Variants in TCF4 observed in about 807,000 individuals in gnomAD.
The protein encoded by TCF4 is SL3-3 enhancer factor 2.
TCF4 carries 3 observed loss-of-function variants against 82.1 expected under a neutral mutation model. The observed-to-expected ratio is 0.04, with a 90% confidence interval of 0.02 to 0.09. TCF4 has a LOEUF of 0.09. Ranked by LOEUF, TCF4 falls within the 10% of genes least tolerant of loss-of-function variation. The pLI is 1.00. For missense variants in TCF4, 518 were observed against 852.7 expected (o/e 0.61, Z 4.89); for synonymous variants, 276 against 309.6 (o/e 0.89, Z 1.14).
intron 5 of TCF4, among the ~76,000 whole-genome samples, chr18:55,453,646 G>T (rs1388102662): frequency 6.6e-6 from 1 of 152,082 alleles, no homozygotes; most frequent in Non-Finnish European, 1.5e-5. Flanking sequence ...GAGGACCACA[G>T]CATTAGCTGT....
At chr18:55,476,342 C>T (rs7233312) in intron 3 of TCF4, among the ~76,000 whole-genome samples, 62,938 of 152,042 alleles carry the variant, frequency 0.41, 13,529 homozygotes, top group Non-Finnish European at 0.48. Flanking sequence ...GTGAGAGGAA[C>T]TTTGCCATTC....
At chr18:55,234,495 A>AATAGG in intron 16 of TCF4, 53 bp downstream of exon 16, 1 of 1,613,462 alleles carries the variant, frequency 6.2e-7, no homozygotes. Flanking sequence ...GGGTATCAAC[A>AATAGG]CTGGTCCTAT....
chr18:55,510,690 C>G, intron 3 of TCF4: 2 of 1,457,248 alleles, frequency 1.4e-6, no homozygotes, highest in Non-Finnish European at 1.8e-6. Flanking sequence ...GAACTGAGAC[C>G]TCCACTTTAA....
At chr18:55,295,808 T>C (rs2066350207) in intron 8 of TCF4, among the ~76,000 whole-genome samples, 1 of 152,204 alleles carries the variant, frequency 6.6e-6, no homozygotes, top group Non-Finnish European at 1.5e-5. Context: ...CTTCCAGTTA[T>C]AACCCTTGCA....
At chr18:55,456,472 C>T (rs78444933) in intron 5 of TCF4, among the ~76,000 whole-genome samples, 2,408 of 152,264 alleles carry the variant, frequency 0.016, 67 homozygotes, top group African/African-American at 0.053. Context: ...ACAAAAGTAT[C>T]GCTTTTCACA....
intron 8 of TCF4, chr18:55,322,425 G>GAAA (rs967879627): frequency 0.028 from 20,216 of 724,354 alleles, no homozygotes; most frequent in South Asian, 0.034. Flanking sequence ...GGGGAGGGAA[G>GAAA]AAAAAAAAAA....
At chr18:55,445,308 G>C (rs2095506458) in intron 5 of TCF4, among the ~76,000 whole-genome samples, 1 of 151,876 alleles carries the variant, frequency 6.6e-6, no homozygotes, top group Non-Finnish European at 1.5e-5. Flanking sequence ...AGAAATACCG[G>C]AGATGGTACA....
chr18:55,289,055 C>A (rs139989730), intron 8 of TCF4, among the ~76,000 whole-genome samples: 3 of 152,208 alleles, frequency 2.0e-5, no homozygotes, highest in African/African-American at 7.2e-5. Flanking sequence ...TTACTTTCAA[C>A]GTGGTGTATC....
intron 8 of TCF4, among the ~76,000 whole-genome samples, chr18:55,280,369 A>G (rs1384304025): frequency 1.3e-5 from 2 of 152,204 alleles, no homozygotes; most frequent in Non-Finnish European, 2.9e-5. Flanking sequence ...ATTTACTTAC[A>G]TTCATTTACT....
At chr18:55,569,169 C>T (rs1370702088) in intron 3 of TCF4, among the ~76,000 whole-genome samples, 4 of 150,592 alleles carry the variant, frequency 2.7e-5, no homozygotes, top group Admixed American at 2.0e-4. Flanking sequence ...ATTGCCATTC[C>T]TATTTAACAG....
In TCF4 at chr18:55,519,927, C is replaced by T. The variant is rs578053742; in HGVS notation, c.146-55790G>A. Among the ~76,000 whole-genome samples, 134 of 152,286 alleles carry T rather than the reference C, an allele frequency of 8.8e-4. 1 individual carries two copies. Among genetic ancestry groups the T allele is most frequent in the African/African-American group, 3.1e-3 (129 of 41,560 alleles). ...AAAAAGAAGAAAATGAAGCACTTCACTTCTTTCTTCACACTTTAGCAGGGA... is the reference window on the plus strand; with the variant it reads ...AAAAAGAAGAAAATGAAGCACTTCATTTCTTTCTTCACACTTTAGCAGGGA... On this transcript the variant is annotated intron_variant, in intron 3 of 19. Transcript: ENST00000354452.
chr18:55,356,149 T>A (rs1017181512), intron 6 of TCF4, among the ~76,000 whole-genome samples: 6 of 152,134 alleles, frequency 3.9e-5, no homozygotes, highest in Admixed American at 2.0e-4. Context: ...CTTTCTTATG[T>A]CCCACACAAA....
At chr18:55,411,453 A>G (rs1569421451) in intron 5 of TCF4, among the ~76,000 whole-genome samples, 1 of 152,266 alleles carries the variant, frequency 6.6e-6, no homozygotes, top group African/African-American at 2.4e-5. Context: ...TCAAAAGAAC[A>G]TAATAGTTTT....
At chr18:55,508,656 AT>A (rs2096791106) in intron 3 of TCF4, among the ~76,000 whole-genome samples, 1 of 152,168 alleles carries the variant, frequency 6.6e-6, no homozygotes, top group Non-Finnish European at 1.5e-5. Context: ...TCGAGCTGAG[AT>A]TTAGAGCCAG....
chr18:55,300,277 C>T (rs930580042), intron 8 of TCF4, among the ~76,000 whole-genome samples: 6 of 152,174 alleles, frequency 3.9e-5, no homozygotes, highest in African/African-American at 1.2e-4. Flanking sequence ...ACACTTCCAA[C>T]CATCTTGATG....
At chr18:55,309,301 T>C (rs1218226726) in intron 8 of TCF4, among the ~76,000 whole-genome samples, 4 of 151,978 alleles carry the variant, frequency 2.6e-5, no homozygotes, top group Non-Finnish European at 2.9e-5. Flanking sequence ...TTTTAACTTT[T>C]TCTAGAGACA....
rs1352181462 is a variant in TCF4 at position 55,224,851 on chromosome 18, T to A, written c.*3184A>T. 1 of 152,560 alleles carries A rather than the reference T, an allele frequency of 6.6e-6. No individual in the cohort carries two copies. The allele number at this position is 152,560 out of a possible 1,614,324, so 9.5% of individuals were successfully genotyped here. A position where few individuals can be genotyped will look rare whatever the true frequency, so the allele number is the denominator to read the frequency against. On this transcript the variant is annotated 3_prime_UTR_variant, in exon 20 of 20. Coordinates refer to ENST00000354452, the MANE Select transcript of TCF4 (RefSeq NM_001083962.2). ...TTGAATGTGGAGGTGGATCAACTGC[T>A]CCAAGTTGCTTTTAAAGTCCGAGTT...
intron 5 of TCF4, among the ~76,000 whole-genome samples, chr18:55,420,787 GA>G (rs2094710735): frequency 6.6e-6 from 1 of 151,598 alleles, no homozygotes; most frequent in African/African-American, 2.4e-5. Flanking sequence ...GATTTCATTA[GA>G]TGTGGTTTTG....
At chr18:55,410,175 T>C (rs551406066) in intron 5 of TCF4, among the ~76,000 whole-genome samples, 1 of 152,288 alleles carries the variant, frequency 6.6e-6, no homozygotes, top group South Asian at 2.1e-4. Context: ...CATTTTTTTC[T>C]GGAAAAGACT....
Sources: allele counts gnomAD v4.1 joint callset (sites outside exome capture counted in the v4.1 genomes callset), GRCh38; gene constraint gnomAD v4.1.1; transcripts MANE v1.5; gene names NCBI Gene and HGNC (gene_info 2026-07-23, HGNC 2026-07-21).